ACTR3C: variants seen among roughly 807,000 people sequenced by gnomAD.
ACTR3C encodes the protein actin-related protein 3C.
ACTR3C carries 18 observed loss-of-function variants against 26.3 expected under a neutral mutation model. That is an observed-to-expected ratio of 0.68 (90% CI 0.47 to 1.01). The LOEUF (loss-of-function observed/expected upper bound fraction) is 1.01, where lower values mean the gene tolerates loss of function less well. Among genes scored for constraint, ACTR3C ranks in the 50% least tolerant of loss-of-function variants. The pLI, the probability that ACTR3C is intolerant of heterozygous loss-of-function variation, is 0.00. For missense variants in ACTR3C, 184 were observed against 250.7 expected, an observed-to-expected ratio of 0.73 and a Z score of 1.80; for synonymous variants, 55 against 94.5, an observed-to-expected ratio of 0.58 and a Z score of 2.42.
the ACTR3C span, among the ~76,000 whole-genome samples, chr7:150,038,247 G>C: frequency 2.1e-5 from 3 of 144,472 alleles, no homozygotes; most frequent in Non-Finnish European, 3.1e-5. Context: ...CAAATAGGGG[G>C]GCCATCCTTT....
the ACTR3C span, among the ~76,000 whole-genome samples, chr7:149,942,880 C>G: frequency 2.0e-5 from 3 of 151,536 alleles, no homozygotes; most frequent in Admixed American, 2.0e-4. Context: ...CTGTCACCTC[C>G]TGGCTGATGG....
chr7:150,048,056 C>A, the ACTR3C span, among the ~76,000 whole-genome samples: 1 of 152,180 alleles, frequency 6.6e-6, no homozygotes, highest in Admixed American at 6.5e-5. Context: ...GGCTCAGCCT[C>A]CTCCGCCCCC....
chr7:149,983,468 G>T, the ACTR3C span, among the ~76,000 whole-genome samples: 1 of 34,958 alleles, frequency 2.9e-5, no homozygotes, highest in African/African-American at 7.6e-5. Flanking sequence ...TATATATGTA[G>T]GAAAACAAAT....
At chr7:150,033,787 CTCAGAG>C in the ACTR3C span, among the ~76,000 whole-genome samples, 1 of 149,940 alleles carries the variant, frequency 6.7e-6, no homozygotes, top group Non-Finnish European at 1.5e-5. Context: ...GATGGGGGTC[CTCAGAG>C]CCAGGGGGGG....
chr7:150,225,860 C>A, the ACTR3C span, among the ~76,000 whole-genome samples: 1 of 152,194 alleles, frequency 6.6e-6, no homozygotes, highest in Non-Finnish European at 1.5e-5. Flanking sequence ...TGAGCTTCAC[C>A]TATTCACTCC....
chr7:150,207,134 C>T, the ACTR3C span, among the ~76,000 whole-genome samples: 2 of 152,216 alleles, frequency 1.3e-5, no homozygotes, highest in African/African-American at 4.8e-5. Flanking sequence ...ATGTTTTTTA[C>T]ACTGACTTTA....
the ACTR3C span, among the ~76,000 whole-genome samples, chr7:150,169,388 GA>G: frequency 0.048 from 5,719 of 120,090 alleles, 656 homozygotes; most frequent in African/African-American, 0.18. Context: ...ATTTCAAAAG[GA>G]AAAAAAAAAA....
intron 6 of ACTR3C, among the ~76,000 whole-genome samples, chr7:150,257,531 G>A (rs534746943): frequency 6.6e-6 from 1 of 152,360 alleles, no homozygotes; most frequent in African/African-American, 2.4e-5. Context: ...CCTGATCAGG[G>A]AGGAGGGACT....
At chr7:149,961,560 A>G in the ACTR3C span, among the ~76,000 whole-genome samples, 145,447 of 151,744 alleles carry the variant, frequency 0.96, 69,907 homozygotes, top group Non-Finnish European at 0.99. Flanking sequence ...CACAGGAAGT[A>G]TGGGCTTACA....
At chr7:150,122,378 C>T in the ACTR3C span, among the ~76,000 whole-genome samples, 1 of 152,098 alleles carries the variant, frequency 6.6e-6, no homozygotes, top group Non-Finnish European at 1.5e-5. Context: ...CTACAAGGAA[C>T]CTAAACAAAT....
chr7:150,114,326 T>A, the ACTR3C span, among the ~76,000 whole-genome samples: 3 of 152,170 alleles, frequency 2.0e-5, no homozygotes, highest in Admixed American at 1.3e-4. Context: ...TTATTTCTAT[T>A]TGCCTAGTCT....
chr7:150,178,481 A>G, the ACTR3C span, among the ~76,000 whole-genome samples: 3 of 150,156 alleles, frequency 2.0e-5, no homozygotes, highest in African/African-American at 7.6e-5. Flanking sequence ...ACAGGGTTTC[A>G]CCATATTGGT....
At chr7:150,037,820 G>C in the ACTR3C span, among the ~76,000 whole-genome samples, 32 of 67,834 alleles carry the variant, frequency 4.7e-4, no homozygotes, top group Admixed American at 2.0e-3. Context: ...AGAGGGACTG[G>C]CACTCAGTCC....
At chr7:150,036,066 C>T in the ACTR3C span, among the ~76,000 whole-genome samples, 3,924 of 94,006 alleles carry the variant, frequency 0.042, 508 homozygotes, top group Non-Finnish European at 0.07. Context: ...TCAGTCCCCG[C>T]GTCGCGAGGG....
the ACTR3C span, among the ~76,000 whole-genome samples, chr7:149,954,659 C>T: frequency 1.3e-5 from 2 of 152,300 alleles, no homozygotes; most frequent in South Asian, 4.1e-4. Flanking sequence ...CACTTATATT[C>T]TCGCATTTAA....
chr7:150,047,312 T>C, the ACTR3C span, among the ~76,000 whole-genome samples: 1 of 152,132 alleles, frequency 6.6e-6, no homozygotes, highest in Non-Finnish European at 1.5e-5. Flanking sequence ...AAAACAGACA[T>C]CCGCACATCC....
the ACTR3C span, among the ~76,000 whole-genome samples, chr7:150,070,304 G>T: frequency 6.6e-6 from 1 of 152,156 alleles, no homozygotes; most frequent in East Asian, 1.9e-4. Context: ...CCCGACAGAA[G>T]CCTCCTCTGG....
At chr7:149,891,137 T>C in the ACTR3C span, 1 of 559,596 alleles carries the variant, frequency 1.8e-6, no homozygotes, top group Admixed American at 3.2e-5. Flanking sequence ...CAGTTTAAAA[T>C]CTAAGCAATT....
At chr7:150,297,851 CA>C (rs35970305) in intron 1 of ACTR3C, among the ~76,000 whole-genome samples, 14,891 of 86,162 alleles carry the variant, frequency 0.17, 193 homozygotes, top group African/African-American at 0.28. Flanking sequence ...GACTCCGTCT[CA>C]AAAAAAAAAA....
Sources: allele counts gnomAD v4.1 joint callset (sites outside exome capture counted in the v4.1 genomes callset), GRCh38; gene constraint gnomAD v4.1.1; transcripts MANE v1.5; gene names NCBI Gene and HGNC (gene_info 2026-07-23, HGNC 2026-07-21).